G3BP1: variants seen among roughly 807,000 people sequenced by gnomAD.
G3BP1 encodes the protein G3BP stress granule assembly factor 1.
A neutral mutation model predicts 58.6 loss-of-function variants in G3BP1; 35 were observed. The observed-to-expected ratio is 0.60, with a 90% CI of 0.46 to 0.79. The LOEUF (loss-of-function observed/expected upper bound fraction) is 0.79, where lower values mean the gene tolerates loss of function less well. Among genes scored for constraint, G3BP1 ranks in the 30% least tolerant of loss-of-function variants. The pLI, the probability that G3BP1 is intolerant of heterozygous loss-of-function variation, is 0.00. For synonymous variants in G3BP1, 191 were observed against 195.4 expected, an observed-to-expected ratio of 0.98 and a Z score of 0.19; for missense variants, 523 against 580.8, an observed-to-expected ratio of 0.90 and a Z score of 1.02.
chr5:151,782,822 C>T (rs1004594155), intron 1 of G3BP1, among the ~76,000 whole-genome samples: 1 of 147,208 alleles, frequency 6.8e-6, no homozygotes, highest in Non-Finnish European at 1.5e-5. Context: ...TAGTAACTGG[C>T]AAAACACTGT....
At position 151,811,935 on chromosome 5, in the gene G3BP1, A is replaced by G. The variant is rs1160797953; in HGVS notation, c.*7844A>G. 6.6e-6 allele frequency: 1 copy of G among 152,114 alleles called. No individual in the cohort carries two copies. The highest frequency in any genetic ancestry group is 1.5e-5 in the Non-Finnish European group (1 of 68,014). 9.4% of individuals were successfully genotyped at this position (152,114 alleles called of 1,614,324 possible). The stretch of plus-strand genomic sequence containing the variant: ...TGAGGAACTTTGTAATTCTGACCTG[A>G]TTTTCCAGGCCAATTAATTAAAATG... On this transcript the variant is annotated 3_prime_UTR_variant, in exon 12 of 12. Transcript: ENST00000356245.
intron 7 of G3BP1, among the ~76,000 whole-genome samples, chr5:151,798,031 G>A (rs1223056866): frequency 6.6e-6 from 1 of 152,152 alleles, no homozygotes; most frequent in Admixed American, 6.6e-5. Context: ...ATAGGCTCAG[G>A]GTTATGTCAT....
At chr5:151,791,990 G>T in intron 4 of G3BP1, 1 of 418,786 alleles carries the variant, frequency 2.4e-6, no homozygotes, top group South Asian at 1.7e-5. Flanking sequence ...ATGAAGGATG[G>T]GAGATTCTCT....
At chr5:151,798,061 A>G (rs931862501) in intron 7 of G3BP1, among the ~76,000 whole-genome samples, 18 of 152,180 alleles carry the variant, frequency 1.2e-4, no homozygotes, top group Admixed American at 2.0e-4. Flanking sequence ...CAATAATTCA[A>G]ATTCCTGCTG....
chr5:151,780,982 G>A (rs1281733229), intron 1 of G3BP1, among the ~76,000 whole-genome samples: 1 of 152,132 alleles, frequency 6.6e-6, no homozygotes, highest in Non-Finnish European at 1.5e-5. Context: ...GGTATGAACT[G>A]CTCAGGTCCA....
At chr5:151,791,453 T>C (rs772744185) in intron 4 of G3BP1, 1 of 172,984 alleles carries the variant, frequency 5.8e-6, no homozygotes, top group Non-Finnish European at 1.3e-5. Context: ...TTAGCTATCA[T>C]GTCTCTAGTC....
intron 11 of G3BP1, among the ~76,000 whole-genome samples, chr5:151,802,980 A>G (rs1224404911): frequency 6.6e-6 from 1 of 152,152 alleles, no homozygotes; most frequent in Non-Finnish European, 1.5e-5. Context: ...TCCGCGACAC[A>G]TAGTAAGTAC....
chr5:151,799,421 C>T (rs1343995932), intron 8 of G3BP1, 108 bp downstream of exon 8: 3 of 685,962 alleles, frequency 4.4e-6, no homozygotes, highest in Admixed American at 2.2e-5. Flanking sequence ...CAGTGTGGCT[C>T]ATGCCTGTAA....
At chr5:151,789,919 A>G (rs1762620825) in intron 2 of G3BP1, among the ~76,000 whole-genome samples, 1 of 152,140 alleles carries the variant, frequency 6.6e-6, no homozygotes, top group African/African-American at 2.4e-5. Flanking sequence ...TCACACCTAC[A>G]ATTCCAGCAC....
chr5:151,777,734 G>T (rs1365764079), intron 1 of G3BP1, among the ~76,000 whole-genome samples: 1 of 151,984 alleles, frequency 6.6e-6, no homozygotes, highest in Non-Finnish European at 1.5e-5. Context: ...CTTAAAAGAA[G>T]GTATACCCAT....
At chr5:151,794,606 A>G (rs1195283561) in intron 5 of G3BP1, among the ~76,000 whole-genome samples, 1 of 152,190 alleles carries the variant, frequency 6.6e-6, no homozygotes, top group Non-Finnish European at 1.5e-5. Flanking sequence ...AGTTTAGGGA[A>G]CCCAGATCTA....
chr5:151,786,900 T>C (rs1762562771), intron 2 of G3BP1, 185 bp downstream of exon 2: 2 of 517,008 alleles, frequency 3.9e-6, no homozygotes, highest in South Asian at 4.6e-5. Context: ...TGGAGTGCAG[T>C]GGTGCGATCT....
intron 1 of G3BP1, among the ~76,000 whole-genome samples, chr5:151,784,918 AAACTT>A (rs1398229099): frequency 2.6e-5 from 4 of 152,362 alleles, no homozygotes; most frequent in Admixed American, 1.3e-4. Flanking sequence ...TCTAATGTTG[AAACTT>A]AACTTCAGTA....
intron 11 of G3BP1, among the ~76,000 whole-genome samples, chr5:151,803,335 C>G (rs979936284): frequency 6.6e-6 from 1 of 152,062 alleles, no homozygotes; most frequent in Non-Finnish European, 1.5e-5. Context: ...CTCACTCTGT[C>G]GCCCATGCTG....
Position 151,801,827 on chromosome 5 carries a change from T to A in G3BP1, c.1194+958T>A, listed in dbSNP as rs142614060. Among the ~76,000 whole-genome samples, 119 of 152,136 alleles carry A rather than the reference T, an allele frequency of 7.8e-4. 1 individual carries two copies. The East Asian group carries it at 0.011, about 14-fold the overall frequency. ...AAGTTTTTTATTTTTTTATTTTTTT[T>A]TTTTTGAGACAGTGTCTCTCTCTGC... On this transcript the variant is annotated intron_variant, in intron 11 of 11. Coordinates refer to ENST00000356245, the MANE Select transcript of G3BP1 (RefSeq NM_005754.3).
intron 7 of G3BP1, among the ~76,000 whole-genome samples, chr5:151,797,877 ACTT>A (rs1424199554): frequency 1.2e-4 from 19 of 152,182 alleles, no homozygotes; most frequent in African/African-American, 4.6e-4. Context: ...CTGAAGTAAA[ACTT>A]CTTTTCTAGT....
intron 1 of G3BP1, 29 bp from the exon 2 acceptor site, chr5:151,786,543 G>C (rs998858097): frequency 1.1e-6 from 1 of 877,932 alleles, no homozygotes; most frequent in Admixed American, 1.9e-5. Context: ...TAAATGATTC[G>C]GTCTTTTCCC....
At chr5:151,782,012 T>G (rs970722646) in intron 1 of G3BP1, among the ~76,000 whole-genome samples, 1 of 152,066 alleles carries the variant, frequency 6.6e-6, no homozygotes, top group Non-Finnish European at 1.5e-5. Context: ...TTTAACTCCT[T>G]TAGGAAATTC....
rs1003476056 is a variant in G3BP1 at position 151,809,846 on chromosome 5, C to T, written c.*5755C>T. 6.6e-6 allele frequency: 1 copy of T among 152,156 alleles called. No homozygotes were observed. The highest frequency in any genetic ancestry group is 2.4e-5 in the African/African-American group (1 of 41,436). 9.4% of individuals were successfully genotyped at this position (152,156 alleles called of 1,614,324 possible). On this transcript the variant is annotated 3_prime_UTR_variant, in exon 12 of 12. Transcript: ENST00000356245. The stretch of plus-strand genomic sequence containing the variant: ...TTCATACCCCTGTTTTCTCAATTTT[C>T]TTAGAACTGTCTTTAATGGCCCAGC...
Sources: allele counts gnomAD v4.1 joint callset (sites outside exome capture counted in the v4.1 genomes callset), GRCh38; gene constraint gnomAD v4.1.1; transcripts MANE v1.5; gene names NCBI Gene and HGNC (gene_info 2026-07-23, HGNC 2026-07-21).